The following ZDHHC14 variants were observed in gnomAD, a reference collection of about 807,000 sequenced individuals.
ZDHHC14 encodes the protein zDHHC palmitoyltransferase 14, also known as palmitoyltransferase ZDHHC14.
A neutral mutation model predicts 47.7 loss-of-function variants in ZDHHC14; 16 were observed. The observed-to-expected ratio is 0.34, with a 90% CI of 0.23 to 0.51. ZDHHC14 has a LOEUF of 0.51. Ranked by LOEUF, ZDHHC14 falls within the 20% of genes least tolerant of loss-of-function variation. The pLI is 0.97. For synonymous variants in ZDHHC14, 293 were observed against 278.9 expected (o/e 1.05, Z -0.50); for missense variants, 515 against 662.5 (o/e 0.78, Z 2.44).
At chr6:157,528,490 G>A (rs1475023273) in intron 1 of ZDHHC14, among the ~76,000 whole-genome samples, 1 of 151,692 alleles carries the variant, frequency 6.6e-6, no homozygotes, top group Non-Finnish European at 1.5e-5. Flanking sequence ...CCAGCACTTT[G>A]GGAGGCTGAG....
rs1332950824 is a variant in ZDHHC14, at chr6:157,381,834, G to T, written c.-188G>T. 7 of 259,368 alleles carry T rather than the reference G, an allele frequency of 2.7e-5. No homozygotes were observed. The highest frequency in any genetic ancestry group is 4.1e-5 in the Non-Finnish European group (7 of 169,212). 16.1% of individuals were successfully genotyped at this position (259,368 alleles called of 1,614,324 possible). ...ACGGAGCGGGGATTCTGCTATGACAGTTGGGCTCCCCGGAGGGTTAACCTG... is the reference window on the plus strand; with the variant it reads ...ACGGAGCGGGGATTCTGCTATGACATTTGGGCTCCCCGGAGGGTTAACCTG... On this transcript the variant is annotated 5_prime_UTR_variant, in exon 1 of 9. Transcript: ENST00000359775.
intron 2 of ZDHHC14, among the ~76,000 whole-genome samples, chr6:157,556,361 C>G (rs1475445669): frequency 1.3e-5 from 2 of 152,186 alleles, no homozygotes; most frequent in Admixed American, 6.5e-5. Context: ...CGGCAGCCCT[C>G]TAAGCCAGAG....
intron 1 of ZDHHC14, among the ~76,000 whole-genome samples, chr6:157,485,871 G>A (rs376612352): frequency 1.3e-5 from 2 of 152,046 alleles, no homozygotes; most frequent in Non-Finnish European, 2.9e-5. Flanking sequence ...ATATTAGCTG[G>A]GTGTGGTAGC....
chr6:157,602,990 G>A (rs112848102), intron 3 of ZDHHC14, among the ~76,000 whole-genome samples: 2,471 of 152,332 alleles, frequency 0.016, 59 homozygotes, highest in African/African-American at 0.055. Context: ...CCCTTTGCTA[G>A]TCACTGAGCT....
intron 1 of ZDHHC14, among the ~76,000 whole-genome samples, chr6:157,531,767 G>A (rs967724710): frequency 3.9e-5 from 6 of 152,232 alleles, no homozygotes; most frequent in African/African-American, 1.4e-4. Flanking sequence ...TGCATCCACG[G>A]TACTCGTAGA....
intron 3 of ZDHHC14, among the ~76,000 whole-genome samples, chr6:157,615,407 G>T (rs1271049265): frequency 6.6e-6 from 1 of 152,200 alleles, no homozygotes; most frequent in Non-Finnish European, 1.5e-5. Context: ...GTCTGTAAGC[G>T]CCCCTGTTCT....
Position 157,498,270 on chromosome 6 carries a change from C to CAA in ZDHHC14, c.246-44301_246-44300dup, listed in dbSNP as rs35694550. Among the ~76,000 whole-genome samples the CAA allele has an allele frequency of 2.6e-3, 366 of 139,888 alleles. 3 individuals carry two copies. The highest frequency in any genetic ancestry group is 4.9e-3 in the African/African-American group (185 of 37,976). 91.8% of individuals were successfully genotyped at this position (139,888 alleles called of 152,430 possible). ...TGGACAACATAGTGAGACCACATCTCAAAAAAAAAAAAAAATTCAGAGAAG... is the reference window on the plus strand; with the variant it reads ...TGGACAACATAGTGAGACCACATCTCAAAAAAAAAAAAAAAAATTCAGAGAAG... On this transcript the variant is annotated intron_variant, in intron 1 of 8. Coordinates refer to ENST00000359775, the MANE Select transcript of ZDHHC14 (RefSeq NM_024630.3).
chr6:157,667,331 GA>G (rs1293139061), intron 8 of ZDHHC14, among the ~76,000 whole-genome samples: 26 of 152,184 alleles, frequency 1.7e-4, no homozygotes, highest in African/African-American at 6.0e-4. Flanking sequence ...TTGTAAGAGA[GA>G]AAAAGCGAGC....
chr6:157,471,723 A>G (rs1583677823), intron 1 of ZDHHC14, among the ~76,000 whole-genome samples: 1 of 152,192 alleles, frequency 6.6e-6, no homozygotes, highest in African/African-American at 2.4e-5. Context: ...GGAATGAAAC[A>G]AAAGTTAGAT....
chr6:157,579,087 T>G (rs1160748545), intron 2 of ZDHHC14, among the ~76,000 whole-genome samples: 1 of 152,126 alleles, frequency 6.6e-6, no homozygotes, highest in Non-Finnish European at 1.5e-5. Context: ...TTTAAAATAG[T>G]TTTTGAATTT....
chr6:157,549,721 C>A (rs1283972512), intron 2 of ZDHHC14, among the ~76,000 whole-genome samples: 4 of 152,058 alleles, frequency 2.6e-5, no homozygotes, highest in African/African-American at 9.7e-5. Flanking sequence ...TGGGGAAATA[C>A]CACAAGATTT....
chr6:157,617,669 T>C (rs1007284432), intron 3 of ZDHHC14, among the ~76,000 whole-genome samples: 2 of 129,418 alleles, frequency 1.5e-5, no homozygotes. Flanking sequence ...ATGAGACAAC[T>C]CTATTCTGAA....
chr6:157,570,594 GA>G (rs1783058344), intron 2 of ZDHHC14, among the ~76,000 whole-genome samples: 1 of 152,004 alleles, frequency 6.6e-6, no homozygotes. Context: ...CATCCATGTG[GA>G]AAAAAATAGT....
chr6:157,619,252 A>G (rs141828029), intron 3 of ZDHHC14, among the ~76,000 whole-genome samples: 24 of 151,822 alleles, frequency 1.6e-4, no homozygotes, highest in African/African-American at 5.6e-4. Flanking sequence ...ATAGCCGGGC[A>G]TGGTGTTGCA....
chr6:157,445,105 T>TACACACACACACACACACAC (rs533031947), intron 1 of ZDHHC14, among the ~76,000 whole-genome samples: 3 of 131,668 alleles, frequency 2.3e-5, no homozygotes, highest in Non-Finnish European at 3.3e-5. Flanking sequence ...TGCCAGATAT[T>TACACACACACACACACACAC]ACACACACAC....
At chr6:157,625,572 C>T (rs1413230237) in intron 3 of ZDHHC14, among the ~76,000 whole-genome samples, 1 of 152,014 alleles carries the variant, frequency 6.6e-6, no homozygotes, top group South Asian at 2.1e-4. Flanking sequence ...GAGGAAAGCA[C>T]AGAAAGGGAG....
intron 1 of ZDHHC14, among the ~76,000 whole-genome samples, chr6:157,421,325 A>C (rs1378331741): frequency 6.6e-6 from 1 of 151,446 alleles, no homozygotes; most frequent in East Asian, 2.0e-4. Flanking sequence ...GTCTCTACTA[A>C]AAATATTAAA....
At chr6:157,540,650 T>C (rs1781709879) in intron 1 of ZDHHC14, among the ~76,000 whole-genome samples, 1 of 152,064 alleles carries the variant, frequency 6.6e-6, no homozygotes, top group Admixed American at 6.5e-5. Context: ...GCCAACATCA[T>C]CTTCAAATTC....
chr6:157,554,926 CA>C (rs1782395499), intron 2 of ZDHHC14, among the ~76,000 whole-genome samples: 2 of 152,210 alleles, frequency 1.3e-5, no homozygotes, highest in African/African-American at 4.8e-5. Flanking sequence ...TATAAGTCCC[CA>C]CCTGAATTAG....
Sources: allele counts gnomAD v4.1 joint callset (sites outside exome capture counted in the v4.1 genomes callset), GRCh38; gene constraint gnomAD v4.1.1; transcripts MANE v1.5; gene names NCBI Gene and HGNC (gene_info 2026-07-23, HGNC 2026-07-21).